The following ABCG2 variants were observed in gnomAD, a reference collection of about 807,000 sequenced individuals.
ABCG2 encodes the protein broad substrate specificity ATP-binding cassette transporter ABCG2.
In ABCG2, 80 loss-of-function variants were observed where a neutral mutation model predicts 73.5. That is an observed-to-expected ratio of 1.09 (90% CI 0.91 to 1.31). The LOEUF (loss-of-function observed/expected upper bound fraction) is 1.31. ABCG2 is among the 50% of genes most tolerant of loss of function. The pLI is 0.00. For synonymous variants in ABCG2, 269 were observed against 282.4 expected (o/e 0.95, Z 0.48); for missense variants, 796 against 786.2 (o/e 1.01, Z -0.15).
intron 8 of ABCG2, among the ~76,000 whole-genome samples, chr4:88,114,723 G>A (rs1375438149): frequency 3.3e-5 from 5 of 151,672 alleles, no homozygotes; most frequent in Non-Finnish European, 1.5e-5. Flanking sequence ...TAAACACTGA[G>A]CATTTTTTAA....
chr4:88,200,000 C>CA (rs953519877), intron 1 of ABCG2, among the ~76,000 whole-genome samples: 16 of 150,680 alleles, frequency 1.1e-4, no homozygotes, highest in East Asian at 9.7e-4. Context: ...GACTCCGTCT[C>CA]AAAAAAAAAG....
At chr4:88,100,427 C>T (rs1166502727) in intron 11 of ABCG2, among the ~76,000 whole-genome samples, 3 of 150,980 alleles carry the variant, frequency 2.0e-5, no homozygotes, top group Non-Finnish European at 2.9e-5. Flanking sequence ...CGCTTGAACC[C>T]GGGAGGTAGA....
intron 1 of ABCG2, among the ~76,000 whole-genome samples, chr4:88,228,752 A>G (rs1215172766): frequency 6.6e-6 from 1 of 152,112 alleles, no homozygotes; most frequent in Non-Finnish European, 1.5e-5. Context: ...TAGCTAAAGG[A>G]TTGTAAATGC....
intron 1 of ABCG2, among the ~76,000 whole-genome samples, chr4:88,186,057 C>T (rs897667611): frequency 3.3e-5 from 5 of 152,152 alleles, no homozygotes; most frequent in Non-Finnish European, 1.5e-5. Flanking sequence ...GATATCTGCA[C>T]TCCTATGTTT....
At chr4:88,176,078 T>C (rs1560738132) in intron 1 of ABCG2, among the ~76,000 whole-genome samples, 1 of 152,204 alleles carries the variant, frequency 6.6e-6, no homozygotes, top group Non-Finnish European at 1.5e-5. Context: ...GATGTATTGA[T>C]AGTAATGATT....
chr4:88,104,902 C>T (rs1722674424), intron 10 of ABCG2, among the ~76,000 whole-genome samples: 1 of 152,154 alleles, frequency 6.6e-6, no homozygotes, highest in Non-Finnish European at 1.5e-5. Flanking sequence ...CTTTAATGGC[C>T]AGATTTCCAG....
intron 1 of ABCG2, among the ~76,000 whole-genome samples, chr4:88,187,487 C>T (rs1728512305): frequency 6.6e-6 from 1 of 151,978 alleles, no homozygotes; most frequent in African/African-American, 2.4e-5. Context: ...GTGGTGGGTG[C>T]CTCTAATCCC....
chr4:88,211,247 A>C (rs1415689678), intron 1 of ABCG2, among the ~76,000 whole-genome samples: 1 of 151,702 alleles, frequency 6.6e-6, no homozygotes, highest in Non-Finnish European at 1.5e-5. Context: ...TCAGGGTTGC[A>C]CGTGCTTGTT....
intron 5 of ABCG2, among the ~76,000 whole-genome samples, chr4:88,130,463 A>C (rs1724770658): frequency 6.6e-6 from 1 of 152,084 alleles, no homozygotes; most frequent in African/African-American, 2.4e-5. Context: ...TAATTATTTC[A>C]TTATATATTA....
At chr4:88,140,113 C>T (rs1564481) in intron 1 of ABCG2, 99 bp from the exon 2 acceptor site, 365,116 of 992,404 alleles carry the variant, frequency 0.37, 68,112 homozygotes, top group South Asian at 0.39. Context: ...TTTAAATGTG[C>T]GGCAATGAGC....
At position 88,091,927 on chromosome 4, in the gene ABCG2, A is replaced by G. The variant is rs1721665463; in HGVS notation, c.*307T>C. ...AGATGAGGAAACAAATGCCAGAGAC[A>G]GTAATAACTTGTCAGGAGTTTCCAG... is the stretch of plus-strand genomic sequence containing the variant. On this transcript the variant is annotated 3_prime_UTR_variant, in exon 16 of 16. Transcript: ENST00000237612. 4.3e-6 allele frequency: 1 copy of G among 230,090 alleles called. No homozygotes were observed. The highest frequency in any genetic ancestry group is 9.9e-5 in the East Asian group (1 of 10,106). The allele number at this position is 230,090 out of a possible 1,614,324, so 14.3% of individuals were successfully genotyped here.
intron 1 of ABCG2, among the ~76,000 whole-genome samples, chr4:88,155,295 C>T (rs1301343433): frequency 5.3e-5 from 8 of 152,182 alleles, no homozygotes; most frequent in East Asian, 1.9e-4. Flanking sequence ...CAGTCAGACA[C>T]GATTGGCAGG....
chr4:88,094,840 G>A (rs1048851002), intron 14 of ABCG2, among the ~76,000 whole-genome samples, 181 bp from the exon 15 acceptor site: 2 of 152,188 alleles, frequency 1.3e-5, no homozygotes, highest in African/African-American at 4.8e-5. Flanking sequence ...GAAACCTAGG[G>A]TTGGGATTTT....
chr4:88,137,591 G>A (rs1725341975), intron 2 of ABCG2, among the ~76,000 whole-genome samples: 1 of 152,138 alleles, frequency 6.6e-6, no homozygotes. Context: ...AGGCCCTGAG[G>A]ACCTACCACG....
intron 10 of ABCG2, among the ~76,000 whole-genome samples, chr4:88,105,377 C>T (rs1722704296): frequency 1.3e-5 from 2 of 152,176 alleles, no homozygotes; most frequent in African/African-American, 4.8e-5. Flanking sequence ...AGACTATGGA[C>T]AGCAAGCACT....
intron 11 of ABCG2, among the ~76,000 whole-genome samples, chr4:88,099,965 C>G (rs1333165919): frequency 6.6e-6 from 1 of 152,122 alleles, no homozygotes; most frequent in Non-Finnish European, 1.5e-5. Flanking sequence ...AAGACTTCTT[C>G]TTTCAATGAT....
intron 5 of ABCG2, among the ~76,000 whole-genome samples, chr4:88,123,321 T>C (rs745650741): frequency 2.6e-5 from 4 of 152,068 alleles, no homozygotes; most frequent in Non-Finnish European, 5.9e-5. Flanking sequence ...GTTTGATGAA[T>C]AGACAGAAGT....
chr4:88,120,274 A>T (rs1723878102), intron 6 of ABCG2, among the ~76,000 whole-genome samples: 1 of 152,180 alleles, frequency 6.6e-6, no homozygotes, highest in South Asian at 2.1e-4. Flanking sequence ...GGCACTGCAG[A>T]TGGGAAATGT....
chr4:88,178,460 T>G (rs1213332965), intron 1 of ABCG2, among the ~76,000 whole-genome samples: 1 of 152,124 alleles, frequency 6.6e-6, no homozygotes, highest in African/African-American at 2.4e-5. Flanking sequence ...AGAGACTTGC[T>G]GGCTTAAGCT....
Sources: allele counts gnomAD v4.1 joint callset (sites outside exome capture counted in the v4.1 genomes callset), GRCh38; gene constraint gnomAD v4.1.1; transcripts MANE v1.5; gene names NCBI Gene and HGNC (gene_info 2026-07-23, HGNC 2026-07-21).